Variants in TGIF2 observed in about 807,000 individuals in gnomAD.
TGIF2 encodes homeobox protein TGIF2.
TGIF2 carries 5 observed loss-of-function variants against 15.1 expected under a neutral mutation model. That is an observed-to-expected ratio of 0.33 (90% CI 0.17 to 0.70). The LOEUF is 0.70. Ranked by LOEUF, TGIF2 falls within the 30% of genes least tolerant of loss-of-function variation. The probability of loss-of-function intolerance (pLI) is 0.67; values close to 1 mark genes in which losing one functional copy is unlikely to be tolerated. For missense variants in TGIF2, 264 were observed against 302.5 expected (o/e 0.87, Z 0.94); for synonymous variants, 131 against 128.9 (o/e 1.02, Z -0.11).
At chr20:36,589,245 T>G (rs569220651) in intron 2 of TGIF2, among the ~76,000 whole-genome samples, 1 of 152,278 alleles carries the variant, frequency 6.6e-6, no homozygotes, top group East Asian at 1.9e-4. Context: ...AGGTGCACTA[T>G]AAGCTCCACA....
At position 36,583,136 on chromosome 20, in the gene TGIF2, C is replaced by T. The variant is rs557054732; in HGVS notation, c.192+4170C>T. 1.4e-4 allele frequency among the ~76,000 whole-genome samples: 22 copies of T among 151,770 alleles called. 1 individual carries two copies. The South Asian group carries it at 4.2e-3, about 29-fold the overall frequency. On this transcript the variant is annotated intron_variant, in intron 2 of 2. Coordinates refer to ENST00000373872, the MANE Select transcript of TGIF2 (RefSeq NM_021809.7). ...TCAATACTAAAAATACAAAAATAGC[C>T]GGGCATGGTGGTACATGCCTGTAAC...
At chr20:36,587,922 T>C (rs938042045) in intron 2 of TGIF2, among the ~76,000 whole-genome samples, 1 of 151,810 alleles carries the variant, frequency 6.6e-6, no homozygotes, top group Non-Finnish European at 1.5e-5. Context: ...AAAAAAAAAG[T>C]ACCTGGGCAT....
chr20:36,584,341 TAGTGTTCAC>T, intron 2 of TGIF2, among the ~76,000 whole-genome samples: 1 of 152,148 alleles, frequency 6.6e-6, no homozygotes, highest in East Asian at 1.9e-4. Context: ...AGCACTGACC[TAGTGTTCAC>T]AGTTACAGCC....
intron 2 of TGIF2, among the ~76,000 whole-genome samples, chr20:36,586,585 C>T (rs954585919): frequency 1.3e-5 from 2 of 152,002 alleles, no homozygotes; most frequent in African/African-American, 4.8e-5. Flanking sequence ...ATCCCAGGTA[C>T]TTGGGAGGCT....
At chr20:36,585,029 T>G (rs560845535) in intron 2 of TGIF2, among the ~76,000 whole-genome samples, 18 of 152,014 alleles carry the variant, frequency 1.2e-4, no homozygotes, top group African/African-American at 4.1e-4. Context: ...AAACCCCATC[T>G]CTACTAAAAA....
At position 36,592,486 on chromosome 20, in the gene TGIF2, G is replaced by A. The variant is rs1002011148; in HGVS notation, c.*1055G>A. 6.6e-6 allele frequency: 1 copy of A among 152,328 alleles called. No individual in the cohort carries two copies. Among genetic ancestry groups the A allele is most frequent in the Non-Finnish European group, 1.5e-5 (1 of 68,016 alleles). 9.4% of individuals were successfully genotyped at this position (152,328 alleles called of 1,614,324 possible). A position where few individuals can be genotyped will look rare whatever the true frequency, so the allele number is the denominator to read the frequency against. On this transcript the variant is annotated 3_prime_UTR_variant, in exon 3 of 3. Transcript: ENST00000373872. ...ATTCTTTTAGCAACTTGGATTAGAG[G>A]GGCCCATATGTCAGAAGCTCCCAGC...
Position 36,591,378 on chromosome 20 carries a change from T to A in TGIF2, c.661T>A (p.Ser221Thr), listed in dbSNP as rs780571089. ...EMELQKQQDP[S>T]LPLLHTPIPL... The stretch of plus-strand genomic sequence containing the variant: ...GGAGCTTCAGAAGCAGCAGGACCCA[T>A]CACTCCCATTACTGCACACTCCCAT... The change falls in exon 3 of 3, where the codon TCA (serine) becomes ACA (threonine). Residue 221 changes from serine (S) to threonine (T), a missense_variant. By Grantham distance (58) the Ser-to-Thr change is moderately conservative. Transcript: ENST00000373872. The surrounding 1 kb of genome is among the most constrained non-coding windows in gnomAD (Gnocchi z 5.3). 1.2e-6 allele frequency: 2 copies of A among 1,613,978 alleles called. No individual in the cohort carries two copies. Among genetic ancestry groups the A allele is most frequent in the African/African-American group, 2.7e-5 (2 of 74,898 alleles).
At chr20:36,575,981 G>A (rs1204513840) in intron 1 of TGIF2, among the ~76,000 whole-genome samples, 1 of 151,776 alleles carries the variant, frequency 6.6e-6, no homozygotes, top group Non-Finnish European at 1.5e-5. Flanking sequence ...AATCCCAGCT[G>A]TTCGGGAGGC....
In TGIF2 at chr20:36,591,434, A is replaced by T. The variant is rs767519437; in HGVS notation, c.*3A>T. On this transcript the variant is annotated 3_prime_UTR_variant, in exon 3 of 3. Transcript: ENST00000373872. This position sits in a 1 kb window ranked among gnomAD's most constrained non-coding sequence, Gnocchi z 5.3. ...TAGTCTCTGAAAATCCCCAGTAGGCATCTGCCAAGAAGGGTGCTGAAGGCT... is the reference window on the plus strand; with the variant it reads ...TAGTCTCTGAAAATCCCCAGTAGGCTTCTGCCAAGAAGGGTGCTGAAGGCT... 3.7e-6 allele frequency: 6 copies of T among 1,601,012 alleles called. No homozygotes were observed. The highest frequency in any genetic ancestry group is 1.3e-5 in the African/African-American group (1 of 74,508).
Position 36,592,155 on chromosome 20 carries a change from A to C in TGIF2, c.*724A>C, listed in dbSNP as rs2038778823. The C allele has an allele frequency of 6.6e-6, 1 of 151,822 alleles. No homozygotes were observed. Among genetic ancestry groups the C allele is most frequent in the Admixed American group, 6.6e-5 (1 of 15,244 alleles). 9.4% of individuals were successfully genotyped at this position (151,822 alleles called of 1,614,324 possible). A position where few individuals can be genotyped will look rare whatever the true frequency, so the allele number is the denominator to read the frequency against. ...GTTTTATCATTGGTTTGGTTTACCA[A>C]AAAAAAGGCAGGGAAAAAAAAAAAA... On this transcript the variant is annotated 3_prime_UTR_variant, in exon 3 of 3. Coordinates refer to ENST00000373872, the MANE Select transcript of TGIF2 (RefSeq NM_021809.7).
At chr20:36,584,050 G>A (rs1017313759) in intron 2 of TGIF2, among the ~76,000 whole-genome samples, 1 of 152,106 alleles carries the variant, frequency 6.6e-6, no homozygotes, top group Non-Finnish European at 1.5e-5. Flanking sequence ...CTGGGCAACA[G>A]AGCAAGAGTC....
rs75041704 is a variant in TGIF2, at chr20:36,575,777, T to C, written c.-35+2032T>C. Among the ~76,000 whole-genome samples the C allele has an allele frequency of 6.1e-3, 936 of 152,302 alleles. 10 individuals carry two copies. Among genetic ancestry groups the C allele is most frequent in the African/African-American group, 0.022 (904 of 41,572 alleles). ...GAGCCTTGAGATCCTGGCATCAGCC[T>C]GGCCTAGAACTTTTGCTTTTAAAAT... On this transcript the variant is annotated intron_variant, in intron 1 of 2. Coordinates refer to ENST00000373872, the MANE Select transcript of TGIF2 (RefSeq NM_021809.7).
intron 2 of TGIF2, among the ~76,000 whole-genome samples, chr20:36,582,739 C>T (rs1031500462): frequency 7.2e-5 from 11 of 152,292 alleles, no homozygotes; most frequent in East Asian, 1.9e-4. Context: ...AGAGTCATGC[C>T]GAGAGTTAAG....
chr20:36,581,131 A>G (rs2038537797), intron 2 of TGIF2, among the ~76,000 whole-genome samples: 1 of 152,166 alleles, frequency 6.6e-6, no homozygotes, highest in Admixed American at 6.6e-5. Flanking sequence ...CGGTCTCAAA[A>G]AAAACACCTA....
intron 2 of TGIF2, among the ~76,000 whole-genome samples, chr20:36,585,720 T>G (rs1449719272): frequency 6.6e-6 from 1 of 152,096 alleles, no homozygotes; most frequent in East Asian, 1.9e-4. Flanking sequence ...AAAAGTAGTT[T>G]GTAAAGGATT....
intron 2 of TGIF2, among the ~76,000 whole-genome samples, chr20:36,585,762 A>G (rs1569532545): frequency 1.3e-5 from 2 of 152,146 alleles, no homozygotes; most frequent in South Asian, 2.1e-4. Flanking sequence ...CTCTAAGCCC[A>G]ATTTATTGGT....
chr20:36,587,487 G>A (rs1233622067), intron 2 of TGIF2, among the ~76,000 whole-genome samples: 5 of 152,090 alleles, frequency 3.3e-5, no homozygotes, highest in Non-Finnish European at 7.4e-5. Context: ...GGCTGAGGTG[G>A]AGAGGGGCAG....
At chr20:36,578,434 G>GA (rs1600769427) in intron 1 of TGIF2, among the ~76,000 whole-genome samples, 1 of 150,520 alleles carries the variant, frequency 6.6e-6, no homozygotes, top group Admixed American at 6.6e-5. Flanking sequence ...AAAAAGAAAA[G>GA]AAAAAACCAA....
intron 1 of TGIF2, among the ~76,000 whole-genome samples, chr20:36,574,101 G>T (rs1318108432): frequency 2.6e-5 from 4 of 151,120 alleles, no homozygotes; most frequent in Non-Finnish European, 5.9e-5. Flanking sequence ...AAAAGTGCAC[G>T]TTGCTAACCG....
Sources: gnomAD v4.1 joint callset for allele counts (sites outside exome capture counted in the v4.1 genomes callset) on GRCh38, gnomAD v4.1.1 for gene constraint, Gnocchi (gnomAD v3.1) non-coding constraint, MANE v1.5 for transcripts, NCBI Gene and HGNC (gene_info 2026-07-23, HGNC 2026-07-21) for gene names.